The following ADK variants were observed in gnomAD, a reference collection of about 807,000 sequenced individuals.
The protein encoded by ADK is adenosine kinase.
ADK carries 24 observed loss-of-function variants against 44.7 expected under a neutral mutation model. The ratio of observed to expected loss-of-function variants is 0.54; its 90% CI spans 0.39 to 0.76. The LOEUF (loss-of-function observed/expected upper bound fraction) is 0.76. ADK is among the 30% of genes least tolerant of loss of function. The probability of loss-of-function intolerance (pLI) is 0.00; values close to 1 mark genes in which losing one functional copy is unlikely to be tolerated. For missense variants in ADK, 321 were observed against 425.1 expected, an observed-to-expected ratio of 0.76 and a Z score of 2.15; for synonymous variants, 128 against 142.6, an observed-to-expected ratio of 0.90 and a Z score of 0.73.
At chr10:74,574,307 A>G (rs1564800137) in intron 7 of ADK, among the ~76,000 whole-genome samples, 1 of 151,874 alleles carries the variant, frequency 6.6e-6, no homozygotes, top group Non-Finnish European at 1.5e-5. Flanking sequence ...AGTAGCTGGG[A>G]CTACAGGCGC....
At chr10:74,236,967 G>A (rs553568043) in intron 3 of ADK, among the ~76,000 whole-genome samples, 37 of 152,290 alleles carry the variant, frequency 2.4e-4, no homozygotes, top group African/African-American at 8.4e-4. Context: ...TTTGCTGGTG[G>A]AGGGTCTTGC....
intron 6 of ADK, among the ~76,000 whole-genome samples, chr10:74,433,870 T>C (rs929405371): frequency 6.6e-6 from 1 of 152,196 alleles, no homozygotes; most frequent in Non-Finnish European, 1.5e-5. Context: ...CTGGATACAT[T>C]AATTTGACCA....
chr10:74,512,087 A>G (rs1218670768), intron 6 of ADK, among the ~76,000 whole-genome samples: 1 of 152,130 alleles, frequency 6.6e-6, no homozygotes, highest in Non-Finnish European at 1.5e-5. Flanking sequence ...CATTCTATTG[A>G]TAGGATATAA....
chr10:74,247,944 G>A (rs1029544518), intron 3 of ADK, among the ~76,000 whole-genome samples: 6 of 152,114 alleles, frequency 3.9e-5, no homozygotes, highest in Non-Finnish European at 7.3e-5. Flanking sequence ...ATTTTATCAA[G>A]AGGATAATAA....
At chr10:74,634,160 T>C (rs1014800959) in intron 9 of ADK, among the ~76,000 whole-genome samples, 5 of 152,082 alleles carry the variant, frequency 3.3e-5, no homozygotes, top group African/African-American at 1.2e-4. Context: ...AATAATCCCC[T>C]CCTTAGAAAC....
chr10:74,372,038 T>A (rs1322219842), intron 4 of ADK: 1 of 765,722 alleles, frequency 1.3e-6, no homozygotes, highest in African/African-American at 1.7e-5. Flanking sequence ...ATAAGGGAGC[T>A]CACTCAATGG....
chr10:74,238,327 G>A (rs1002679478), intron 3 of ADK, among the ~76,000 whole-genome samples: 1 of 152,086 alleles, frequency 6.6e-6, no homozygotes, highest in African/African-American at 2.4e-5. Flanking sequence ...ACAAAAATTA[G>A]AGCTCCACTG....
intron 2 of ADK, among the ~76,000 whole-genome samples, chr10:74,210,330 GA>G (rs57852507): frequency 0.048 from 4,068 of 84,812 alleles, 182 homozygotes; most frequent in African/African-American, 0.17. Context: ...TCCATCTCAG[GA>G]AAAAAAAAAA....
intron 1 of ADK, among the ~76,000 whole-genome samples, chr10:74,177,923 T>TTATATATATATATATA (rs1192890268): frequency 3.1e-5 from 4 of 130,320 alleles, no homozygotes; most frequent in African/African-American, 1.1e-4. Flanking sequence ...AATTGCATAA[T>TTATATATATATATATA]TATATATATA....
At chr10:74,669,293 CT>C (rs1052806755) in intron 9 of ADK, among the ~76,000 whole-genome samples, 7 of 152,134 alleles carry the variant, frequency 4.6e-5, no homozygotes, top group African/African-American at 7.2e-5. Context: ...GTTTAAGAGT[CT>C]TTAGCCACTC....
intron 3 of ADK, among the ~76,000 whole-genome samples, chr10:74,262,313 C>CAA (rs35282438): frequency 3.7e-4 from 40 of 107,610 alleles, no homozygotes; most frequent in African/African-American, 1.2e-3. Flanking sequence ...GACTTCATCT[C>CAA]AAAAAAAAAA....
intron 3 of ADK, among the ~76,000 whole-genome samples, chr10:74,263,794 C>T (rs4745742): frequency 1 from 152,330 of 152,336 alleles, 76,162 homozygotes; most frequent in Non-Finnish European, 1. Flanking sequence ...CTCGCTTTTT[C>T]GTGTAACATT....
At chr10:74,370,149 A>G (rs11001016) in intron 4 of ADK, among the ~76,000 whole-genome samples, 1 of 152,168 alleles carries the variant, frequency 6.6e-6, no homozygotes, top group Non-Finnish European at 1.5e-5. Flanking sequence ...TTTACATATG[A>G]TACTAATAGA....
chr10:74,198,650 A>G (rs10824106), intron 1 of ADK, among the ~76,000 whole-genome samples: 18,427 of 152,216 alleles, frequency 0.12, 1,142 homozygotes, highest in Middle Eastern at 0.2. Flanking sequence ...AACTAGATGA[A>G]TGTCTCTTAT....
At chr10:74,251,891 A>G (rs1340709549) in intron 3 of ADK, among the ~76,000 whole-genome samples, 1 of 127,104 alleles carries the variant, frequency 7.9e-6, no homozygotes, top group African/African-American at 3.0e-5. Context: ...CTTGTGGCAG[A>G]TACTTTTTTT....
intron 4 of ADK, among the ~76,000 whole-genome samples, chr10:74,356,983 A>G (rs1337727175): frequency 6.6e-6 from 1 of 152,166 alleles, no homozygotes; most frequent in Non-Finnish European, 1.5e-5. Context: ...TGTAATGAGC[A>G]ATCTTTCTGG....
chr10:74,387,219 G>A (rs562465272), intron 4 of ADK, among the ~76,000 whole-genome samples: 10 of 152,338 alleles, frequency 6.6e-5, no homozygotes, highest in African/African-American at 2.2e-4. Flanking sequence ...ACAGGCGTGA[G>A]CCACTGCGCC....
At chr10:74,533,322 A>T (rs900804456) in intron 7 of ADK, among the ~76,000 whole-genome samples, 1 of 152,192 alleles carries the variant, frequency 6.6e-6, no homozygotes. Context: ...GCACTGGACT[A>T]GAGTAGCCAA....
At chr10:74,351,225 C>T (rs897697825) in intron 4 of ADK, among the ~76,000 whole-genome samples, 2 of 152,136 alleles carry the variant, frequency 1.3e-5, no homozygotes, top group Non-Finnish European at 2.9e-5. Flanking sequence ...AAAGCTTATC[C>T]ACCACAATCA....
Sources: gnomAD v4.1 joint callset for allele counts (sites outside exome capture counted in the v4.1 genomes callset) on GRCh38, gnomAD v4.1.1 for gene constraint, MANE v1.5 for transcripts, NCBI Gene and HGNC (gene_info 2026-07-23, HGNC 2026-07-21) for gene names.